CLEC2A: variants seen among roughly 807,000 people sequenced by gnomAD.
The protein encoded by CLEC2A is C-type lectin domain family 2 member A.
A neutral mutation model predicts 18.6 loss-of-function variants in CLEC2A; 19 were observed. That is an observed-to-expected ratio of 1.02 (90% CI 0.71 to 1.50). The LOEUF (loss-of-function observed/expected upper bound fraction) is 1.50. CLEC2A is among the 40% of genes most tolerant of loss of function. The pLI, the probability that CLEC2A is intolerant of heterozygous loss-of-function variation, is 0.00. For synonymous variants in CLEC2A, 74 were observed against 64.0 expected (o/e 1.16, Z -0.75); for missense variants, 190 against 207.9 (o/e 0.91, Z 0.53).
downstream of CLEC2A, among the ~76,000 whole-genome samples, chr12:9,909,517 C>T (rs952654170): frequency 9.9e-5 from 15 of 152,130 alleles, no homozygotes; most frequent in Admixed American, 8.5e-4. Flanking sequence ...ATCTGCCACT[C>T]GATGAGGGTC....
intron 4 of CLEC2A, among the ~76,000 whole-genome samples, chr12:9,901,317 G>A (rs1862826261): frequency 6.6e-6 from 1 of 152,052 alleles, no homozygotes; most frequent in Non-Finnish European, 1.5e-5. Context: ...TCTTTGAAAA[G>A]GATTAAAACA....
the CLEC2A span, chr12:9,888,834 G>A: frequency 1.2e-5 from 13 of 1,100,172 alleles, no homozygotes; most frequent in Non-Finnish European, 1.7e-5. Context: ...TTTAGTTTTG[G>A]CTTCCCTCTT....
At chr12:9,887,762 A>G in the CLEC2A span, among the ~76,000 whole-genome samples, 1 of 151,234 alleles carries the variant, frequency 6.6e-6, no homozygotes, top group African/African-American at 2.4e-5. Flanking sequence ...AAGGGAAAAT[A>G]AGATCAAGAC....
the CLEC2A span, among the ~76,000 whole-genome samples, chr12:9,880,391 G>C: frequency 3.3e-5 from 5 of 152,156 alleles, no homozygotes; most frequent in Non-Finnish European, 7.3e-5. Flanking sequence ...CAGTGTTGAG[G>C]AGGAGACTCA....
intron 2 of CLEC2A, among the ~76,000 whole-genome samples, chr12:9,923,441 A>G (rs1438821690): frequency 6.6e-6 from 1 of 151,714 alleles, no homozygotes; most frequent in Non-Finnish European, 1.5e-5. Flanking sequence ...GGTGCTGGAG[A>G]GGATGTGGAG....
At chr12:9,927,282 T>C (rs1863290397) in intron 1 of CLEC2A, among the ~76,000 whole-genome samples, 1 of 152,174 alleles carries the variant, frequency 6.6e-6, no homozygotes, top group Non-Finnish European at 1.5e-5. Flanking sequence ...AATGCTTGCG[T>C]CTAAACATAG....
At chr12:9,885,104 C>T in the CLEC2A span, 1 of 469,454 alleles carries the variant, frequency 2.1e-6, no homozygotes, top group Non-Finnish European at 3.4e-6. Context: ...CTCTTAATGC[C>T]AAGATAAACT....
At chr12:9,916,528 G>A (rs1238947146) in intron 4 of CLEC2A, among the ~76,000 whole-genome samples, 172 bp downstream of exon 4, 1 of 152,156 alleles carries the variant, frequency 6.6e-6, no homozygotes, top group Non-Finnish European at 1.5e-5. Flanking sequence ...AAAATGGGTT[G>A]CTCTAGGATA....
At chr12:9,881,670 G>A in the CLEC2A span, 1 of 1,531,038 alleles carries the variant, frequency 6.5e-7, no homozygotes, top group East Asian at 2.5e-5. Context: ...CTAAAGGTAG[G>A]AATACTGCTC....
chr12:9,923,153 G>A lies in CLEC2A; in HGVS notation c.140-921C>T, dbSNP rs1236222638. Among the ~76,000 whole-genome samples, 7 of 152,130 alleles carry A rather than the reference G, an allele frequency of 4.6e-5. No homozygotes were observed. In the East Asian group the frequency reaches 9.6e-4, roughly 21 times the overall value. ...ACCCATCTTCTAGGTTTGAAGCCCCGCATGCATTAGGTATTTTGCAATCTA... is the reference window on the plus strand; with the variant it reads ...ACCCATCTTCTAGGTTTGAAGCCCCACATGCATTAGGTATTTTGCAATCTA... On this transcript the variant is annotated intron_variant, in intron 2 of 4. Coordinates refer to ENST00000455827, the MANE Select transcript of CLEC2A (RefSeq NM_001130711.2).
At chr12:9,882,910 T>A in the CLEC2A span, among the ~76,000 whole-genome samples, 3 of 152,244 alleles carry the variant, frequency 2.0e-5, no homozygotes, top group East Asian at 5.8e-4. Flanking sequence ...CTGATGATGC[T>A]TTTATGTGGA....
intron 4 of CLEC2A, among the ~76,000 whole-genome samples, chr12:9,907,588 C>G (rs914195654): frequency 1.3e-5 from 2 of 152,112 alleles, no homozygotes; most frequent in African/African-American, 4.8e-5. Flanking sequence ...TAGTCCTTCC[C>G]CTTGTAAATG....
At position 9,918,728 on chromosome 12, in the gene CLEC2A, TTGGAGAAC is replaced by T. The variant is rs370076149; in HGVS notation, c.307-1933_307-1926del. Among the ~76,000 whole-genome samples the T allele has an allele frequency of 2.7e-3, 417 of 152,326 alleles. 4 individuals carry two copies. The highest frequency in any genetic ancestry group is 9.3e-3 in the African/African-American group (385 of 41,576). On this transcript the variant is annotated intron_variant, in intron 3 of 4. Transcript: ENST00000455827. ...AGTTCAGCCTCGTTAAGAACTCTTG[TTGGAGAAC>T]TGGTGCAGTTGTTTGGAAAACATAT...
At chr12:9,920,954 T>C (rs1224859898) in intron 3 of CLEC2A, among the ~76,000 whole-genome samples, 1 of 152,196 alleles carries the variant, frequency 6.6e-6, no homozygotes, top group African/African-American at 2.4e-5. Context: ...TCTAAGAACA[T>C]TTAACGAAGA....
chr12:9,884,114 G>A, the CLEC2A span, among the ~76,000 whole-genome samples: 2 of 152,056 alleles, frequency 1.3e-5, no homozygotes, highest in African/African-American at 4.8e-5. Context: ...TGTGAAAAAA[G>A]TGTATACATC....
the CLEC2A span, among the ~76,000 whole-genome samples, chr12:9,879,879 T>C: frequency 6.6e-6 from 1 of 152,178 alleles, no homozygotes; most frequent in Non-Finnish European, 1.5e-5. Flanking sequence ...CCTGAACAGT[T>C]CCAAAGAAGC....
At chr12:9,893,361 T>C in the CLEC2A span, 1 of 846,724 alleles carries the variant, frequency 1.2e-6, no homozygotes, top group Non-Finnish European at 1.8e-6. Flanking sequence ...GCACAGAGAC[T>C]TACACTATAG....
intron 4 of CLEC2A, among the ~76,000 whole-genome samples, chr12:9,902,273 G>A (rs182378312): frequency 1.3e-3 from 179 of 141,960 alleles, no homozygotes; most frequent in African/African-American, 4.1e-3. Flanking sequence ...TTACTCTGTC[G>A]CCCAGGCTGG....
intron 4 of CLEC2A, among the ~76,000 whole-genome samples, chr12:9,903,672 G>C (rs113384621): frequency 1.5e-3 from 227 of 152,262 alleles, no homozygotes; most frequent in African/African-American, 5.3e-3. Context: ...TAACTGTTTA[G>C]CTGTTCATTT....
Sources: allele counts gnomAD v4.1 joint callset (sites outside exome capture counted in the v4.1 genomes callset), GRCh38; gene constraint gnomAD v4.1.1; transcripts MANE v1.5; gene names NCBI Gene and HGNC (gene_info 2026-07-23, HGNC 2026-07-21).